MYBPC1: variants seen among roughly 807,000 people sequenced by gnomAD.
MYBPC1 encodes myosin-binding protein C, slow-type.
A neutral mutation model predicts 147.1 loss-of-function variants in MYBPC1; 52 were observed. That is an observed-to-expected ratio of 0.35 (90% CI 0.28 to 0.45). MYBPC1 has a LOEUF of 0.45. MYBPC1 is among the 20% of genes least tolerant of loss of function. MYBPC1 has a pLI of 1.00. For synonymous variants in MYBPC1, 477 were observed against 475.9 expected (o/e 1.00, Z -0.03); for missense variants, 1,228 against 1,440.3 (o/e 0.85, Z 2.39).
chr12:101,613,171 G>A (rs1435418183), intron 1 of MYBPC1, among the ~76,000 whole-genome samples: 1 of 152,158 alleles, frequency 6.6e-6, no homozygotes, highest in Non-Finnish European at 1.5e-5. Flanking sequence ...AGACATGATT[G>A]CATCCTGGCA....
At chr12:101,653,073 G>T (rs1313185182) in intron 17 of MYBPC1, 42 bp from the exon 18 acceptor site, 2 of 1,602,418 alleles carry the variant, frequency 1.2e-6, no homozygotes, top group East Asian at 2.2e-5. Context: ...TATTTACACA[G>T]AAATGACTGT....
At chr12:101,616,646 A>G (rs954807641) in intron 2 of MYBPC1, among the ~76,000 whole-genome samples, 16 of 152,224 alleles carry the variant, frequency 1.1e-4, no homozygotes, top group Admixed American at 1.0e-3. Context: ...CTCAACTGGT[A>G]GAATCTGATG....
chr12:101,678,150 C>T lies in MYBPC1; in HGVS notation c.3158C>T (p.Ala1053Val), dbSNP rs779224860. The change falls in exon 28 of 32, where the codon GCA becomes GTA. Residue 1053 changes from alanine to valine, a missense_variant. Transcript: ENST00000361466. ...TATGAAGACTTTGATTTCTCAGAGG[C>T]ACCCATGTTTACTCAGCCTTTGGTT... ...PVYEDFDFSE[A>V]PMFTQPLVNT... The T allele has an allele frequency of 6.2e-7, 1 of 1,614,022 alleles. No homozygotes were observed. The highest frequency in any genetic ancestry group is 1.7e-5 in the Admixed American group (1 of 60,016).
At position 101,642,414 on chromosome 12, in the gene MYBPC1, G is replaced by A. The variant is rs1593846223; in HGVS notation, c.666-5G>A. ...CTAAACTAGACCATGGTTCTCCCCG[G>A]TTAGGGAGGTGAAGCAGCAGGAGGA... On this transcript the variant is annotated splice_polypyrimidine_tract_variant and splice_region_variant and intron_variant, in intron 10 of 31. Coordinates refer to ENST00000361466, the MANE Select transcript of MYBPC1 (RefSeq NM_002465.4). 3 of 1,613,936 alleles carry A rather than the reference G, an allele frequency of 1.9e-6. No individual in the cohort carries two copies. In the East Asian group the frequency reaches 6.7e-5, roughly 36 times the overall value.
intron 2 of MYBPC1, among the ~76,000 whole-genome samples, chr12:101,615,798 C>T (rs990505965): frequency 6.6e-6 from 1 of 151,830 alleles, no homozygotes; most frequent in Non-Finnish European, 1.5e-5. Context: ...GAGAAGGTCT[C>T]AGTTTCTAAT....
At chr12:101,602,849 GT>G (rs1295079905) in intron 1 of MYBPC1, among the ~76,000 whole-genome samples, 6 of 152,162 alleles carry the variant, frequency 3.9e-5, no homozygotes, top group African/African-American at 7.2e-5. Context: ...CATGACCTCT[GT>G]TGTGTTCTTA....
chr12:101,635,011 C>T (rs952326173), intron 9 of MYBPC1, among the ~76,000 whole-genome samples: 3 of 152,278 alleles, frequency 2.0e-5, no homozygotes, highest in East Asian at 3.9e-4. Flanking sequence ...AGAAATCACT[C>T]AGGGAGCTAC....
chr12:101,671,206 A>G (rs1329431698), intron 24 of MYBPC1, among the ~76,000 whole-genome samples: 1 of 152,132 alleles, frequency 6.6e-6, no homozygotes, highest in African/African-American at 2.4e-5. Context: ...AATTTTCTTC[A>G]ATTTTAATTA....
At chr12:101,652,835 T>C in intron 17 of MYBPC1, 51 bp downstream of exon 17, 1 of 1,452,306 alleles carries the variant, frequency 6.9e-7, no homozygotes, top group Non-Finnish European at 9.7e-7. Context: ...TTTGTTTGCT[T>C]TTGCTTACCA....
At chr12:101,669,944 A>C in intron 23 of MYBPC1, 1 of 351,398 alleles carries the variant, frequency 2.8e-6, no homozygotes, top group South Asian at 2.3e-5. Flanking sequence ...AAAAAAGAAA[A>C]AAAAAAAGAA....
intron 3 of MYBPC1, among the ~76,000 whole-genome samples, chr12:101,619,310 C>G (rs768365037): frequency 2.0e-5 from 3 of 152,032 alleles, no homozygotes; most frequent in Non-Finnish European, 2.9e-5. Context: ...TTTATCTCCC[C>G]TTCTTTCTCC....
chr12:101,651,950 A>C (rs1177272867), intron 16 of MYBPC1, among the ~76,000 whole-genome samples: 2 of 152,176 alleles, frequency 1.3e-5, no homozygotes, highest in Non-Finnish European at 2.9e-5. Context: ...ATAAATAATA[A>C]ACATGAAGTT....
Position 101,673,419 on chromosome 12 carries a change from C to G in MYBPC1, c.2614-8C>G. 6.2e-7 allele frequency: 1 copy of G among 1,611,658 alleles called. No individual in the cohort carries two copies. The highest frequency in any genetic ancestry group is 1.1e-5 in the South Asian group (1 of 90,954). ...TACCCTCTCTACTTTTGCTGTCTTT[C>G]TTTTTAGGGAAAACCAAGACCAGAA... On this transcript the variant is annotated splice_region_variant and splice_polypyrimidine_tract_variant and intron_variant, in intron 24 of 31. Transcript: ENST00000361466.
Position 101,604,736 on chromosome 12 carries a change from C to T in MYBPC1, c.25+9641C>T, listed in dbSNP as rs1285162471. Reference sequence around the variant, plus strand: ...TTGATTTGTATTTTGAATTTCTTTCCAATTTTTCTTAGCTTTCCTACTTTA... The same window carrying T: ...TTGATTTGTATTTTGAATTTCTTTCTAATTTTTCTTAGCTTTCCTACTTTA... On this transcript the variant is annotated intron_variant, in intron 1 of 31. Coordinates refer to ENST00000361466, the MANE Select transcript of MYBPC1 (RefSeq NM_002465.4). Among the ~76,000 whole-genome samples, 3 of 152,086 alleles carry T rather than the reference C, an allele frequency of 2.0e-5. No individual in the cohort carries two copies. The East Asian group carries it at 5.8e-4, about 29-fold the overall frequency.
intron 18 of MYBPC1, among the ~76,000 whole-genome samples, chr12:101,655,818 T>G (rs765179461): frequency 3.2e-4 from 49 of 151,934 alleles, no homozygotes; most frequent in Admixed American, 3.3e-4. Context: ...ATAATATAGG[T>G]CAGAAACTCA....
chr12:101,659,914 T>TTCCA, intron 19 of MYBPC1, 83 bp downstream of exon 19: 4 of 1,495,078 alleles, frequency 2.7e-6, no homozygotes, highest in Non-Finnish European at 3.7e-6. Flanking sequence ...TGTCCTTTCC[T>TTCCA]TCCATTTCCT....
intron 20 of MYBPC1, 118 bp downstream of exon 20, chr12:101,661,380 C>T: frequency 1.4e-6 from 1 of 690,094 alleles, no homozygotes; most frequent in Middle Eastern, 2.6e-4. Context: ...TTTACTGTGA[C>T]TTTATGCATT....
chr12:101,667,760 T>A lies in MYBPC1; in HGVS notation c.2385T>A (p.Asp795Glu). ...AGGACTGGATAGTTGCAAACAAAGA[T>A]CTGATTGACAAGACGAAGTTCACCA... ...GTEDWIVANK[D>E]LIDKTKFTIT... is the part of the protein sequence containing the mutation. The change falls in exon 23 of 32, where the codon GAT (aspartate) becomes GAA (glutamate). Residue 795 changes from aspartate to glutamate, a missense_variant. Asp to Glu is a conservative substitution (Grantham distance 45). Coordinates refer to ENST00000361466, the MANE Select transcript of MYBPC1 (RefSeq NM_002465.4). The A allele has an allele frequency of 6.2e-7, 1 of 1,614,200 alleles. No homozygotes were observed. Among genetic ancestry groups the A allele is most frequent in the Non-Finnish European group, 8.5e-7 (1 of 1,180,040 alleles).
rs151327190 is a variant in MYBPC1, at chr12:101,619,180, T to C, written c.103+1937T>C. 4.0e-3 allele frequency among the ~76,000 whole-genome samples: 613 copies of C among 152,114 alleles called. 6 individuals are homozygous for C. Among genetic ancestry groups the C allele is most frequent in the African/African-American group, 0.014 (593 of 41,512 alleles). ...GGTGCAACCTACCTTTTCTCCAGCATGAGCTAGAACTCTCCTGCTCTCCCT... is the reference window on the plus strand; with the variant it reads ...GGTGCAACCTACCTTTTCTCCAGCACGAGCTAGAACTCTCCTGCTCTCCCT... On this transcript the variant is annotated intron_variant, in intron 3 of 31. Coordinates refer to ENST00000361466, the MANE Select transcript of MYBPC1 (RefSeq NM_002465.4).
Sources: allele counts gnomAD v4.1 joint callset (sites outside exome capture counted in the v4.1 genomes callset), GRCh38; gene constraint gnomAD v4.1.1; transcripts MANE v1.5; gene names NCBI Gene and HGNC (gene_info 2026-07-23, HGNC 2026-07-21).